The following KDM2B variants were observed in gnomAD, a reference collection of about 807,000 sequenced individuals.
KDM2B encodes lysine demethylase 2B.
KDM2B carries 26 observed loss-of-function variants against 150.0 expected under a neutral mutation model. The observed-to-expected ratio is 0.17, with a 90% CI of 0.13 to 0.24. The LOEUF (loss-of-function observed/expected upper bound fraction) is 0.24. KDM2B is among the 10% of genes least tolerant of loss of function. KDM2B has a pLI of 1.00. For synonymous variants in KDM2B, 734 were observed against 729.5 expected (o/e 1.01, Z -0.10); for missense variants, 1,265 against 1,816.9 (o/e 0.70, Z 5.52).
chr12:121,448,553 A>T lies in KDM2B; in HGVS notation c.1960-3135T>A, dbSNP rs1593778388. Among the ~76,000 whole-genome samples, 7 of 152,246 alleles carry T rather than the reference A, an allele frequency of 4.6e-5. 1 individual carries two copies. The highest frequency in any genetic ancestry group is 4.6e-4 in the Admixed American group (7 of 15,282). On this transcript the variant is annotated intron_variant, in intron 13 of 22. Coordinates refer to ENST00000377071, the MANE Select transcript of KDM2B (RefSeq NM_032590.5). Reference sequence around the variant, plus strand: ...GCTGTGAGCCCCCTGAGGCCAGGGCAGGTCAGCCTCATCCCGCCCAGTGCA... The same window carrying T: ...GCTGTGAGCCCCCTGAGGCCAGGGCTGGTCAGCCTCATCCCGCCCAGTGCA...
chr12:121,521,006 G>A lies in KDM2B; in HGVS notation c.1026C>T (p.Tyr342=), dbSNP rs782391873. 2.4e-5 allele frequency: 39 copies of A among 1,613,964 alleles called. No homozygotes were observed. The Middle Eastern group carries it at 3.8e-3, about 157-fold the overall frequency. ...SFNVPMQLRI[Y]EIEDRTRVQP... ...TTACCCGCGTCCTGTCCTCGATCTC[G>A]TAGATCCGCAGCTGCATGGGCACGT... The change falls in exon 9 of 23, where the codon TAC becomes TAT. Residue 342 remains tyrosine, a synonymous_variant. Coordinates refer to ENST00000377071, the MANE Select transcript of KDM2B (RefSeq NM_032590.5). This position sits in a 1 kb window ranked among gnomAD's most constrained non-coding sequence, Gnocchi z 4.9.
rs1891430434 is a variant in KDM2B at position 121,575,333 on chromosome 12, G to A, written c.350+448C>T. 6.6e-6 allele frequency among the ~76,000 whole-genome samples: 1 copy of A among 152,210 alleles called. No homozygotes were observed. Among genetic ancestry groups the A allele is most frequent in the Admixed American group, 6.5e-5 (1 of 15,278 alleles). ...ACATAGTGGAGGGGCAAGCTGCAGG[G>A]CAGGCAAAGAAAGGGGAGACATTGG... On this transcript the variant is annotated intron_variant, in intron 3 of 22. Transcript: ENST00000377071. The surrounding 1 kb of genome is among the most constrained non-coding windows in gnomAD (Gnocchi z 4.4).
intron 6 of KDM2B, among the ~76,000 whole-genome samples, chr12:121,542,160 C>G (rs1157250478): frequency 6.6e-6 from 1 of 152,176 alleles, no homozygotes; most frequent in African/African-American, 2.4e-5. Flanking sequence ...CTATGGGGAA[C>G]CCACTGCCAT....
chr12:121,471,368 C>T (rs1287736616), intron 12 of KDM2B, among the ~76,000 whole-genome samples: 2 of 152,132 alleles, frequency 1.3e-5, no homozygotes, highest in East Asian at 1.9e-4. Context: ...AGATGGAAGC[C>T]GAGTCCTCCT....
chr12:121,576,753 G>A (rs76698003), intron 2 of KDM2B, among the ~76,000 whole-genome samples: 8,821 of 152,162 alleles, frequency 0.058, 422 homozygotes, highest in East Asian at 0.22. Flanking sequence ...AAATTCTCAC[G>A]TCCCCCAAAT....
intron 4 of KDM2B, among the ~76,000 whole-genome samples, chr12:121,571,911 A>G (rs1360351655): frequency 1.3e-5 from 2 of 152,062 alleles, no homozygotes; most frequent in Non-Finnish European, 2.9e-5. Flanking sequence ...TCGGCCTCCC[A>G]AAGTGCTGGG....
rs1278113875 is a variant in KDM2B, at chr12:121,499,773, C to T, written c.1648-5108G>A. ...GACAAGCCTGTCCAACATAGTGAAA[C>T]CCCATCTCTATTAAAACTACAAAAA... On this transcript the variant is annotated intron_variant, in intron 11 of 22. Transcript: ENST00000377071. 2.6e-5 allele frequency among the ~76,000 whole-genome samples: 4 copies of T among 151,680 alleles called. 1 individual carries two copies. Among genetic ancestry groups the T allele is most frequent in the Admixed American group, 2.6e-4 (4 of 15,212 alleles).
chr12:121,505,730 GCCAAAGAT>G (rs1264554438), intron 11 of KDM2B, among the ~76,000 whole-genome samples: 1 of 152,122 alleles, frequency 6.6e-6, no homozygotes, highest in Admixed American at 6.6e-5. Context: ...TGGAACACAA[GCCAAAGAT>G]CCTAGCAGGT....
the KDM2B span, chr12:121,416,077 C>G: frequency 1.1e-5 from 13 of 1,155,120 alleles, no homozygotes; most frequent in Non-Finnish European, 1.7e-5. Flanking sequence ...AAACTTACCT[C>G]TCCAGAATAG....
intron 4 of KDM2B, among the ~76,000 whole-genome samples, chr12:121,560,808 A>AG (rs1165659223): frequency 1.3e-5 from 2 of 152,172 alleles, no homozygotes; most frequent in Non-Finnish European, 2.9e-5. Flanking sequence ...GGGAGGAGGC[A>AG]GGTAGCCTAA....
intron 9 of KDM2B, among the ~76,000 whole-genome samples, chr12:121,514,527 G>A (rs1885867736): frequency 6.6e-6 from 1 of 151,642 alleles, no homozygotes; most frequent in Non-Finnish European, 1.5e-5. Context: ...ACACCCACAC[G>A]GGGCCTCTCC....
At chr12:121,435,155 G>A (rs377514590) in intron 22 of KDM2B, among the ~76,000 whole-genome samples, 17 of 152,106 alleles carry the variant, frequency 1.1e-4, no homozygotes, top group South Asian at 2.1e-4. Context: ...GCAACATAGC[G>A]AGACCCTGTC....
chr12:121,460,364 G>A (rs1878927945), intron 12 of KDM2B, among the ~76,000 whole-genome samples: 1 of 152,238 alleles, frequency 6.6e-6, no homozygotes, highest in Admixed American at 6.5e-5. Context: ...AGGAGGTGGA[G>A]GTTCCAGTAA....
chr12:121,439,674 C>T (rs1286076159), intron 22 of KDM2B, among the ~76,000 whole-genome samples, 183 bp downstream of exon 22: 1 of 152,210 alleles, frequency 6.6e-6, no homozygotes, highest in Non-Finnish European at 1.5e-5. Context: ...GCTACCGCAC[C>T]CGGCCAACAG....
chr12:121,546,379 C>CTTTTTTTTTTTTTTTTTT (rs371614406), intron 6 of KDM2B, among the ~76,000 whole-genome samples: 2 of 97,478 alleles, frequency 2.1e-5, no homozygotes, highest in Non-Finnish European at 1.9e-5. Flanking sequence ...TTTTTTTTGC[C>CTTTTTTTTTTTTTTTTTT]TTTTTTTTTT....
In KDM2B at chr12:121,504,432, A is replaced by G. The variant is rs566091627; in HGVS notation, c.1647+5135T>C. Among the ~76,000 whole-genome samples, 4 of 152,058 alleles carry G rather than the reference A, an allele frequency of 2.6e-5. No homozygotes were observed. The South Asian group carries it at 8.3e-4, about 32-fold the overall frequency. ...TGCCTGTAGTCCCAGCTACTTGGGA[A>G]GCTGAGATGGGAGGATTGCTTGAGC... On this transcript the variant is annotated intron_variant, in intron 11 of 22. Coordinates refer to ENST00000377071, the MANE Select transcript of KDM2B (RefSeq NM_032590.5).
In KDM2B at chr12:121,579,168, C is replaced by T. The variant is rs112471261; in HGVS notation, c.127-222G>A. On this transcript the variant is annotated intron_variant, in intron 1 of 22. Coordinates refer to ENST00000377071, the MANE Select transcript of KDM2B (RefSeq NM_032590.5). Reference sequence around the variant, plus strand: ...GCTGCGCTCTACGCGGGGTACTCCCCTCCGGTGTCTTCGGAAGCACTGAAG... The same window carrying T: ...GCTGCGCTCTACGCGGGGTACTCCCTTCCGGTGTCTTCGGAAGCACTGAAG... 3.2e-3 allele frequency among the ~76,000 whole-genome samples: 494 copies of T among 152,388 alleles called. 2 individuals carry two copies. The highest frequency in any genetic ancestry group is 0.011 in the African/African-American group (468 of 41,598).
In KDM2B at chr12:121,446,155, G is replaced by A. The variant is rs527762620; in HGVS notation, c.1960-737C>T. Among the ~76,000 whole-genome samples the A allele has an allele frequency of 5.3e-5, 8 of 152,296 alleles. No homozygotes were observed. In the South Asian group the frequency reaches 1.4e-3, roughly 28 times the overall value. ...TCACGCCTGTAATCCCAGCACTTTG[G>A]GAGGCCAAGGCGGGCGGATCACAAG... On this transcript the variant is annotated intron_variant, in intron 13 of 22. Coordinates refer to ENST00000377071, the MANE Select transcript of KDM2B (RefSeq NM_032590.5).
At chr12:121,504,726 G>A (rs1471576708) in intron 11 of KDM2B, among the ~76,000 whole-genome samples, 1 of 152,140 alleles carries the variant, frequency 6.6e-6, no homozygotes, top group Non-Finnish European at 1.5e-5. Flanking sequence ...GTTGGCCGGG[G>A]CGGTGGCTCA....
Sources: allele counts gnomAD v4.1 joint callset (sites outside exome capture counted in the v4.1 genomes callset), GRCh38; gene constraint gnomAD v4.1.1; non-coding constraint Gnocchi (gnomAD v3.1); transcripts MANE v1.5; gene names NCBI Gene and HGNC (gene_info 2026-07-23, HGNC 2026-07-21).